KIAA0232: variants seen among roughly 807,000 people sequenced by gnomAD.
The protein encoded by KIAA0232 is uncharacterized protein KIAA0232.
Under a neutral mutation model 122.0 loss-of-function variants are expected in KIAA0232, and 27 were observed. That is an observed-to-expected ratio of 0.22 (90% CI 0.16 to 0.31). The LOEUF (loss-of-function observed/expected upper bound fraction) is 0.31. Ranked by LOEUF, KIAA0232 falls within the 10% of genes least tolerant of loss-of-function variation. KIAA0232 has a pLI of 1.00. For synonymous variants in KIAA0232, 613 were observed against 587.6 expected (o/e 1.04, Z -0.63); for missense variants, 1,551 against 1,634.2 (o/e 0.95, Z 0.88).
At chr4:6,789,434 C>T (rs977589361) in intron 1 of KIAA0232, among the ~76,000 whole-genome samples, 13 of 151,872 alleles carry the variant, frequency 8.6e-5, no homozygotes, top group South Asian at 2.1e-4. Flanking sequence ...CCACCATGCC[C>T]GGCTAATTTT....
intron 4 of KIAA0232, 45 bp downstream of exon 4, chr4:6,842,249 G>C: frequency 6.5e-7 from 1 of 1,536,716 alleles, no homozygotes; most frequent in African/African-American, 1.4e-5. Context: ...ATAAAAGAAG[G>C]GGTGATTTAA....
chr4:6,818,952 A>G (rs1718281007), intron 2 of KIAA0232, among the ~76,000 whole-genome samples: 1 of 152,180 alleles, frequency 6.6e-6, no homozygotes, highest in African/African-American at 2.4e-5. Context: ...TCTTCAACAA[A>G]GTTGACAAAA....
chr4:6,859,546 A>C (rs974935798), intron 6 of KIAA0232, among the ~76,000 whole-genome samples: 3 of 152,268 alleles, frequency 2.0e-5, no homozygotes, highest in African/African-American at 7.2e-5. Flanking sequence ...ACATGTTGAA[A>C]TGATAATATC....
At chr4:6,791,922 C>T (rs1386109535) in intron 1 of KIAA0232, among the ~76,000 whole-genome samples, 1 of 152,152 alleles carries the variant, frequency 6.6e-6, no homozygotes, top group Non-Finnish European at 1.5e-5. Context: ...ACAGGTCTTT[C>T]TCATGCTGTT....
chr4:6,860,441 T>TG (rs1720793290), intron 6 of KIAA0232, among the ~76,000 whole-genome samples: 1 of 152,198 alleles, frequency 6.6e-6, no homozygotes, highest in Non-Finnish European at 1.5e-5. Flanking sequence ...ACGCTCACAA[T>TG]AACTTTGGGA....
At chr4:6,785,216 C>T (rs780618326) in intron 1 of KIAA0232, among the ~76,000 whole-genome samples, 1 of 152,164 alleles carries the variant, frequency 6.6e-6, no homozygotes, top group Non-Finnish European at 1.5e-5. Flanking sequence ...GGATTACAGG[C>T]GTGAGCCACC....
chr4:6,849,167 G>T (rs1211161706), intron 4 of KIAA0232, among the ~76,000 whole-genome samples: 3 of 152,230 alleles, frequency 2.0e-5, no homozygotes, highest in African/African-American at 7.2e-5. Flanking sequence ...GGCAGATTGT[G>T]AGCACCCAGT....
intron 2 of KIAA0232, among the ~76,000 whole-genome samples, chr4:6,805,949 CA>C (rs1717596126): frequency 6.6e-6 from 1 of 151,968 alleles, no homozygotes; most frequent in Non-Finnish European, 1.5e-5. Context: ...TTTAGAATTT[CA>C]TAATAATTTT....
rs1452083063 is a variant in KIAA0232 at position 6,861,756 on chromosome 4, A to G, written c.1374A>G (p.Thr458=). ...LCISNNNLHK[T]YLAAGTFIDG... is the part of the protein sequence containing the mutation. ...TCAGCAACAATAATCTTCATAAAAC[A>G]TACCTCGCAGCAGGTACTTTCATTG... The change falls in exon 7 of 10, where the codon ACA becomes ACG. Residue 458 remains threonine (T), a synonymous_variant. Coordinates refer to ENST00000307659, the MANE Select transcript of KIAA0232 (RefSeq NM_014743.3). 7 of 1,614,090 alleles carry G rather than the reference A, an allele frequency of 4.3e-6. No individual in the cohort carries two copies. Among genetic ancestry groups the G allele is most frequent in the Non-Finnish European group, 5.9e-6 (7 of 1,180,052 alleles).
rs1458043067 is a variant in KIAA0232, at chr4:6,782,810, C to T, written c.-385C>T. On this transcript the variant is annotated 5_prime_UTR_variant, in exon 1 of 10. Coordinates refer to ENST00000307659, the MANE Select transcript of KIAA0232 (RefSeq NM_014743.3). ...CGGAGCCAGAGGAGAGGCGCCCCCG[C>T]CGGCCGCCGCGCCGCCCGGCAGCCT... 6.7e-6 allele frequency: 1 copy of T among 148,506 alleles called. No individual in the cohort carries two copies. The highest frequency in any genetic ancestry group is 1.5e-5 in the Non-Finnish European group (1 of 66,574). 9.2% of individuals were successfully genotyped at this position (148,506 alleles called of 1,614,324 possible). A position where few individuals can be genotyped will look rare whatever the true frequency, so the allele number is the denominator to read the frequency against.
rs769062011 is a variant in KIAA0232 at position 6,863,340 on chromosome 4, C to T, written c.2958C>T (p.His986=). 3 of 1,614,152 alleles carry T rather than the reference C, an allele frequency of 1.9e-6. No homozygotes were observed. Among genetic ancestry groups the T allele is most frequent in the South Asian group, 1.1e-5 (1 of 91,084 alleles). Residue 986 remains histidine, a synonymous_variant, in exon 7 of 10, where the codon CAC becomes CAT. Coordinates refer to ENST00000307659, the MANE Select transcript of KIAA0232 (RefSeq NM_014743.3). The part of the protein sequence containing the change: ...MTPGNSFAPG[H]RQLWKPFVSF... ...CAGGAAACAGTTTTGCTCCTGGGCA[C>T]AGGCAGTTATGGAAACCCTTCGTGT...
chr4:6,851,355 G>A (rs1448317001), intron 4 of KIAA0232, among the ~76,000 whole-genome samples: 1 of 152,138 alleles, frequency 6.6e-6, no homozygotes, highest in Non-Finnish European at 1.5e-5. Flanking sequence ...TATCTAAAGG[G>A]AAAAGAAACT....
Position 6,824,463 on chromosome 4 carries a change from A to G in KIAA0232, c.10A>G (p.Ile4Val). The G allele has an allele frequency of 3.7e-6, 6 of 1,611,244 alleles. No homozygotes were observed. Among genetic ancestry groups the G allele is most frequent in the Admixed American group, 1.7e-5 (1 of 60,018 alleles). MYP[I>V]CTVVVDGLPS... is the part of the protein sequence containing the mutation. ...TCGGCAACCTAAATTCATGTACCCT[A>G]TCTGTACAGTTGTTGTGGATGGTTT... Residue 4 changes from isoleucine (I) to valine (V), a missense_variant, in exon 3 of 10, where the codon ATC becomes GTC. By Grantham distance (29) the Ile-to-Val change is conservative. Around this residue, in one of 5 missense-constraint regions of KIAA0232, gnomAD observed 37 missense variants for 28.5 expected, o/e 1.30. Transcript: ENST00000307659.
chr4:6,850,035 T>C (rs555108938), intron 4 of KIAA0232, among the ~76,000 whole-genome samples: 16 of 152,162 alleles, frequency 1.1e-4, no homozygotes, highest in Non-Finnish European at 2.1e-4. Context: ...AGGTAGAAAA[T>C]TGGGATTTTT....
chr4:6,793,691 T>A (rs1316029623), intron 1 of KIAA0232, among the ~76,000 whole-genome samples: 1 of 152,252 alleles, frequency 6.6e-6, no homozygotes, highest in Non-Finnish European at 1.5e-5. Context: ...TTCTTAGAAG[T>A]AGCTACAGAA....
chr4:6,883,050 A>G lies in KIAA0232; in HGVS notation c.*2084A>G, dbSNP rs972264415. The G allele has an allele frequency of 6.6e-6, 1 of 152,482 alleles. No homozygotes were observed. Among genetic ancestry groups the G allele is most frequent in the African/African-American group, 2.4e-5 (1 of 41,440 alleles). The allele number at this position is 152,482 out of a possible 1,614,324, so 9.4% of individuals were successfully genotyped here. A position where few individuals can be genotyped will look rare whatever the true frequency, so the allele number is the denominator to read the frequency against. ...TTCGAAGTGAGCAAAGGGATTCACA[A>G]ATTATGTATTTATTTGTTTTCATAG... On this transcript the variant is annotated 3_prime_UTR_variant, in exon 10 of 10. Coordinates refer to ENST00000307659, the MANE Select transcript of KIAA0232 (RefSeq NM_014743.3).
chr4:6,808,648 C>T (rs1314844700), intron 2 of KIAA0232, among the ~76,000 whole-genome samples: 3 of 151,944 alleles, frequency 2.0e-5, no homozygotes, highest in Admixed American at 2.0e-4. Context: ...CAAGAAACCT[C>T]TAGTACATGG....
chr4:6,813,031 CTA>C (rs1717946027), intron 2 of KIAA0232, among the ~76,000 whole-genome samples: 2 of 152,226 alleles, frequency 1.3e-5, no homozygotes, highest in South Asian at 4.2e-4. Context: ...AGAAACTGAA[CTA>C]TAGATAGTAT....
chr4:6,847,075 T>C (rs935151258), intron 4 of KIAA0232, among the ~76,000 whole-genome samples: 1 of 152,050 alleles, frequency 6.6e-6, no homozygotes, highest in Non-Finnish European at 1.5e-5. Flanking sequence ...ATAATATAGG[T>C]TATATTATTA....
Sources: allele counts gnomAD v4.1 joint callset (sites outside exome capture counted in the v4.1 genomes callset), GRCh38; gene constraint gnomAD v4.1.1; regional missense constraint gnomAD v4.1.1; transcripts MANE v1.5; gene names NCBI Gene and HGNC (gene_info 2026-07-23, HGNC 2026-07-21).